The following GPM6A variants were observed in gnomAD, a reference collection of about 807,000 sequenced individuals.
GPM6A encodes the protein glycoprotein M6A, also known as neuronal membrane glycoprotein M6-a.
GPM6A carries 7 observed loss-of-function variants against 32.1 expected under a neutral mutation model. The observed-to-expected ratio is 0.22, with a 90% CI of 0.12 to 0.41. The LOEUF is 0.41. Ranked by LOEUF, GPM6A falls within the 10% of genes least tolerant of loss-of-function variation. GPM6A has a pLI of 1.00. For missense variants in GPM6A, 235 were observed against 347.2 expected (o/e 0.68, Z 2.57); for synonymous variants, 130 against 123.4 (o/e 1.05, Z -0.35).
intron 1 of GPM6A, among the ~76,000 whole-genome samples, chr4:175,874,542 A>G (rs1349473069): frequency 6.6e-6 from 1 of 152,104 alleles, no homozygotes; most frequent in African/African-American, 2.4e-5. Context: ...AGGGTGTGGC[A>G]TATGCTTTTG....
intron 1 of GPM6A, among the ~76,000 whole-genome samples, chr4:175,919,131 T>G (rs933816926): frequency 6.6e-6 from 1 of 152,178 alleles, no homozygotes; most frequent in South Asian, 2.1e-4. Flanking sequence ...TAAAATATCT[T>G]CTCATTAAGG....
intron 1 of GPM6A, among the ~76,000 whole-genome samples, chr4:175,950,685 G>T: frequency 6.6e-6 from 1 of 152,108 alleles, no homozygotes; most frequent in East Asian, 1.9e-4. Context: ...GTGCTGGCAG[G>T]GGAAATGAGG....
chr4:175,786,581 G>A (rs1166336733), intron 1 of GPM6A, among the ~76,000 whole-genome samples: 16 of 151,928 alleles, frequency 1.1e-4, no homozygotes, highest in Non-Finnish European at 1.6e-4. Flanking sequence ...TGCCATTCCT[G>A]TTTCTCTATT....
At chr4:175,738,797 T>A (rs1174004951) in intron 1 of GPM6A, among the ~76,000 whole-genome samples, 1 of 152,202 alleles carries the variant, frequency 6.6e-6, no homozygotes, top group Non-Finnish European at 1.5e-5. Context: ...TTTGATTAAG[T>A]CCAACAAATT....
intron 1 of GPM6A, among the ~76,000 whole-genome samples, chr4:175,904,888 A>C (rs1489493539): frequency 2.0e-5 from 3 of 152,130 alleles, no homozygotes; most frequent in African/African-American, 7.2e-5. Flanking sequence ...GCCATTTCTT[A>C]GTTCACCTTA....
chr4:175,817,494 T>A (rs998824950), intron 1 of GPM6A, among the ~76,000 whole-genome samples: 3 of 152,202 alleles, frequency 2.0e-5, no homozygotes, highest in African/African-American at 4.8e-5. Context: ...TAAAGATGCA[T>A]TGGATGGCAC....
chr4:175,974,855 G>C (rs566864953), intron 1 of GPM6A, among the ~76,000 whole-genome samples: 1 of 152,144 alleles, frequency 6.6e-6, no homozygotes, highest in South Asian at 2.1e-4. Context: ...GCTAATTTTG[G>C]TATTTTTTGT....
At chr4:175,804,522 T>C (rs1247954324) in intron 1 of GPM6A, among the ~76,000 whole-genome samples, 1 of 152,170 alleles carries the variant, frequency 6.6e-6, no homozygotes, top group Non-Finnish European at 1.5e-5. Flanking sequence ...TCAAAGAACA[T>C]TTGATATTTA....
chr4:175,657,588 C>T (rs1354950381), intron 3 of GPM6A, among the ~76,000 whole-genome samples: 1 of 152,110 alleles, frequency 6.6e-6, no homozygotes. Context: ...AAGCCAGACA[C>T]ACCTACTAAT....
At chr4:175,896,289 C>T (rs1560984017) in intron 1 of GPM6A, among the ~76,000 whole-genome samples, 1 of 152,168 alleles carries the variant, frequency 6.6e-6, no homozygotes, top group East Asian at 1.9e-4. Context: ...CCATATAGTT[C>T]CTCAGGCCAC....
At chr4:175,879,959 C>G (rs1022883367) in intron 1 of GPM6A, among the ~76,000 whole-genome samples, 1 of 152,146 alleles carries the variant, frequency 6.6e-6, no homozygotes, top group African/African-American at 2.4e-5. Context: ...GAAGTCCTTG[C>G]CCATGCCTAT....
At chr4:175,729,483 G>T (rs1322563447) in intron 1 of GPM6A, among the ~76,000 whole-genome samples, 1 of 151,848 alleles carries the variant, frequency 6.6e-6, no homozygotes, top group Non-Finnish European at 1.5e-5. Flanking sequence ...GTTTCTCATG[G>T]ATACAAAAAA....
chr4:175,779,822 G>A (rs1183045885), intron 1 of GPM6A, among the ~76,000 whole-genome samples: 1 of 151,974 alleles, frequency 6.6e-6, no homozygotes, highest in Admixed American at 6.6e-5. Flanking sequence ...GGAAATATGA[G>A]GGTAAAATTT....
chr4:175,667,121 A>G (rs1742795152), intron 3 of GPM6A, among the ~76,000 whole-genome samples: 1 of 152,206 alleles, frequency 6.6e-6, no homozygotes, highest in African/African-American at 2.4e-5. Flanking sequence ...TATATACAGG[A>G]TGTTTATCAT....
chr4:175,761,183 T>C (rs1732724006), intron 1 of GPM6A, among the ~76,000 whole-genome samples: 1 of 152,130 alleles, frequency 6.6e-6, no homozygotes, highest in African/African-American at 2.4e-5. Context: ...TTGCTCTGTC[T>C]CCCAGGCTGG....
intron 1 of GPM6A, among the ~76,000 whole-genome samples, chr4:175,949,922 C>A (rs1352397648): frequency 2.6e-5 from 4 of 152,100 alleles, no homozygotes; most frequent in Non-Finnish European, 5.9e-5. Context: ...TGAGTTCTCA[C>A]CACATATTTT....
intron 1 of GPM6A, among the ~76,000 whole-genome samples, chr4:175,704,056 C>T (rs755038171): frequency 6.6e-6 from 1 of 152,102 alleles, no homozygotes; most frequent in African/African-American, 2.4e-5. Flanking sequence ...ATCTAGAAGG[C>T]ATAGATGCAT....
chr4:175,638,760 A>C lies in GPM6A; in HGVS notation c.684+1369T>G, dbSNP rs1351481220. Among the ~76,000 whole-genome samples the C allele has an allele frequency of 2.6e-5, 4 of 152,120 alleles. 1 individual carries two copies. Among genetic ancestry groups the C allele is most frequent in the Non-Finnish European group, 5.9e-5 (4 of 68,018 alleles). On this transcript the variant is annotated intron_variant, in intron 6 of 6. Coordinates refer to ENST00000393658, the MANE Select transcript of GPM6A (RefSeq NM_201591.3). ...GTACCTGGGTATATATTGCTTGTAC[A>C]TACCCGTGTCATTAAAGTTTTTGAC...
chr4:175,706,984 C>T (rs966132731), intron 1 of GPM6A, among the ~76,000 whole-genome samples: 1 of 152,158 alleles, frequency 6.6e-6, no homozygotes, highest in African/African-American at 2.4e-5. Flanking sequence ...TTTACAAATG[C>T]CATGGCAAAG....
Sources: allele counts gnomAD v4.1 joint callset (sites outside exome capture counted in the v4.1 genomes callset), GRCh38; gene constraint gnomAD v4.1.1; transcripts MANE v1.5; gene names NCBI Gene and HGNC (gene_info 2026-07-23, HGNC 2026-07-21).